The following ARID1B variants were observed in gnomAD, a reference collection of about 807,000 sequenced individuals.
ARID1B encodes the protein AT-rich interaction domain 1B.
ARID1B carries 30 observed loss-of-function variants against 212.3 expected under a neutral mutation model. That is an observed-to-expected ratio of 0.14 (90% confidence interval 0.11 to 0.19). The LOEUF is 0.19. ARID1B is among the 10% of genes least tolerant of loss of function. The pLI, the probability that ARID1B is intolerant of heterozygous loss-of-function variation, is 1.00. For missense variants in ARID1B, 2,891 were observed against 3,204.0 expected (o/e 0.90, Z 2.36); for synonymous variants, 1,402 against 1,301.7 (o/e 1.08, Z -1.66).
intron 4 of ARID1B, among the ~76,000 whole-genome samples, chr6:157,045,129 AACT>A (rs1167850218): frequency 6.6e-6 from 1 of 152,202 alleles, no homozygotes; most frequent in Non-Finnish European, 1.5e-5. Context: ...AAGAAAGATA[AACT>A]ACTATAAAGT....
At position 157,037,534 on chromosome 6, in the gene ARID1B, T is replaced by C. The variant is rs192365904; in HGVS notation, c.2248-47128T>C. Among the ~76,000 whole-genome samples the C allele has an allele frequency of 1.7e-4, 26 of 152,308 alleles. 1 individual carries two copies. In the East Asian group the frequency reaches 3.7e-3, roughly 21 times the overall value. On this transcript the variant is annotated intron_variant, in intron 4 of 19. Transcript: ENST00000636930. Reference sequence around the variant, plus strand: ...AAAGGAGGGCAGGAGAAATGAGAGCTATTTTCGGGTAGAACAGCCACCATG... The same window carrying C: ...AAAGGAGGGCAGGAGAAATGAGAGCCATTTTCGGGTAGAACAGCCACCATG...
At chr6:157,163,239 C>G (rs1472991028) in intron 8 of ARID1B, among the ~76,000 whole-genome samples, 1 of 152,136 alleles carries the variant, frequency 6.6e-6, no homozygotes, top group Non-Finnish European at 1.5e-5. Flanking sequence ...CCTCGAAACC[C>G]AGGTCGCTGT....
At chr6:157,027,526 G>A (rs1780737167) in intron 4 of ARID1B, among the ~76,000 whole-genome samples, 2 of 152,166 alleles carry the variant, frequency 1.3e-5, no homozygotes, top group African/African-American at 4.8e-5. Context: ...ACAGAGTTGG[G>A]GGCAGGAACG....
intron 4 of ARID1B, among the ~76,000 whole-genome samples, chr6:156,998,512 C>T (rs192124331): frequency 6.6e-6 from 1 of 152,280 alleles, no homozygotes; most frequent in African/African-American, 2.4e-5. Flanking sequence ...CGTGAGCCAC[C>T]GCGCCTGGCT....
intron 2 of ARID1B, among the ~76,000 whole-genome samples, chr6:156,890,893 T>G (rs1263474370): frequency 1.3e-5 from 2 of 152,192 alleles, no homozygotes; most frequent in Non-Finnish European, 2.9e-5. Context: ...TTGTTGTTGT[T>G]GTTGTTGTTT....
At chr6:157,031,876 C>T (rs1328727939) in intron 4 of ARID1B, among the ~76,000 whole-genome samples, 1 of 152,074 alleles carries the variant, frequency 6.6e-6, no homozygotes, top group Non-Finnish European at 1.5e-5. Flanking sequence ...CGGCAACCTC[C>T]GCCTCCCTGG....
At chr6:157,102,918 A>G (rs369445674) in intron 5 of ARID1B, among the ~76,000 whole-genome samples, 17 of 151,762 alleles carry the variant, frequency 1.1e-4, no homozygotes, top group African/African-American at 3.6e-4. Context: ...TTCTTTACTC[A>G]CTCATATTAT....
intron 7 of ARID1B, among the ~76,000 whole-genome samples, chr6:157,139,635 C>T (rs1033345820): frequency 6.6e-6 from 1 of 151,944 alleles, no homozygotes; most frequent in African/African-American, 2.4e-5. Flanking sequence ...AGAGACTTGA[C>T]TGTTCACACT....
chr6:157,157,082 C>T (rs1351731569), intron 8 of ARID1B, among the ~76,000 whole-genome samples: 8 of 152,200 alleles, frequency 5.3e-5, no homozygotes, highest in African/African-American at 1.9e-4. Flanking sequence ...CAGTTCCCCA[C>T]CACACCTAGC....
At chr6:157,023,453 T>G (rs1456734128) in intron 4 of ARID1B, 1 of 152,156 alleles carries the variant, frequency 6.6e-6, no homozygotes, top group African/African-American at 2.4e-5. Flanking sequence ...TATGTACAAT[T>G]AAAAAAGAAA....
chr6:157,176,080 G>C (rs1451204451), intron 11 of ARID1B, among the ~76,000 whole-genome samples: 2 of 152,206 alleles, frequency 1.3e-5, no homozygotes, highest in African/African-American at 4.8e-5. Flanking sequence ...CTGAAGGCTT[G>C]AAGAGTTGGT....
In ARID1B at chr6:157,206,814, C is replaced by T. The variant is rs562880858; in HGVS notation, c.6042C>T (p.Asp2014=). Residue 2014 remains aspartate, a synonymous_variant, in exon 20 of 20, where the codon GAC becomes GAT. Coordinates refer to ENST00000636930, the MANE Select transcript of ARID1B (RefSeq NM_001374828.1). The surrounding 1 kb of genome is among the most constrained non-coding windows in gnomAD (Gnocchi z 6.8). ...CTCGGCCAGGGGCATTGCCTGAAGA[C>T]GCAAACCCTGGGCCCCAGACCGAAA... The part of the protein sequence containing the change: ...LSARPGALPE[D]ANPGPQTESS... The T allele has an allele frequency of 2.4e-5, 39 of 1,614,044 alleles. No individual in the cohort carries two copies. The highest frequency in any genetic ancestry group is 1.6e-4 in the East Asian group (7 of 44,886).
chr6:156,784,740 A>T (rs1779516805), intron 1 of ARID1B, among the ~76,000 whole-genome samples: 1 of 152,112 alleles, frequency 6.6e-6, no homozygotes, highest in African/African-American at 2.4e-5. Flanking sequence ...ATTCTAAGAA[A>T]ATTCTTTCCT....
intron 6 of ARID1B, among the ~76,000 whole-genome samples, chr6:157,123,918 G>A (rs141353454): frequency 1.4e-4 from 21 of 152,346 alleles, no homozygotes; most frequent in African/African-American, 4.6e-4. Flanking sequence ...AGTAAGTGGT[G>A]AAGACACGAT....
intron 4 of ARID1B, among the ~76,000 whole-genome samples, chr6:156,980,967 T>G (rs1562526059): frequency 6.6e-6 from 1 of 152,204 alleles, no homozygotes; most frequent in Non-Finnish European, 1.5e-5. Flanking sequence ...TAGTTAGTGT[T>G]TATTTTGTTG....
At chr6:157,168,196 C>T (rs1164053661) in intron 9 of ARID1B, 4 of 152,310 alleles carry the variant, frequency 2.6e-5, no homozygotes, top group East Asian at 3.9e-4. Flanking sequence ...AGGCTGGGCT[C>T]GCCTCCTGTC....
chr6:156,809,685 G>A (rs1328195357), intron 1 of ARID1B, among the ~76,000 whole-genome samples: 1 of 131,590 alleles, frequency 7.6e-6, no homozygotes, highest in Non-Finnish European at 1.6e-5. Context: ...CCATTGTCAA[G>A]AGCATGTGAA....
Position 157,000,982 on chromosome 6 carries a change from A to G in ARID1B, c.2247+65406A>G, listed in dbSNP as rs549632798. On this transcript the variant is annotated intron_variant, in intron 4 of 19. Coordinates refer to ENST00000636930, the MANE Select transcript of ARID1B (RefSeq NM_001374828.1). Reference sequence around the variant, plus strand: ...AGGGCTGGTATTACAGCCATGAGCCACTGTGCCCGGCCTAAACACTCATTT... The same window carrying G: ...AGGGCTGGTATTACAGCCATGAGCCGCTGTGCCCGGCCTAAACACTCATTT... Among the ~76,000 whole-genome samples, 31 of 152,300 alleles carry G rather than the reference A, an allele frequency of 2.0e-4. No homozygotes were observed. In the South Asian group the frequency reaches 5.0e-3, roughly 24 times the overall value.
chr6:157,093,202 G>T (rs945688406), intron 5 of ARID1B, among the ~76,000 whole-genome samples: 2 of 152,210 alleles, frequency 1.3e-5, no homozygotes, highest in Non-Finnish European at 2.9e-5. Context: ...GTGGGTAAAT[G>T]AATAGTACTT....
Sources: allele counts gnomAD v4.1 joint callset (sites outside exome capture counted in the v4.1 genomes callset), GRCh38; gene constraint gnomAD v4.1.1; non-coding constraint Gnocchi (gnomAD v3.1); transcripts MANE v1.5; gene names NCBI Gene and HGNC (gene_info 2026-07-23, HGNC 2026-07-21).